The following CDH8 variants were observed in gnomAD, a reference collection of about 807,000 sequenced individuals.
The protein encoded by CDH8 is cadherin-8.
CDH8 carries 17 observed loss-of-function variants against 68.1 expected under a neutral mutation model. That is an observed-to-expected ratio of 0.25 (90% CI 0.17 to 0.37). The LOEUF (loss-of-function observed/expected upper bound fraction) is 0.37. CDH8 is among the 10% of genes least tolerant of loss of function. The pLI is 1.00. For missense variants in CDH8, 763 were observed against 999.3 expected, an observed-to-expected ratio of 0.76 and a Z score of 3.19; for synonymous variants, 372 against 365.1, an observed-to-expected ratio of 1.02 and a Z score of -0.21.
intron 10 of CDH8, chr16:61,710,915 A>T (rs2142864844): frequency 6.6e-6 from 1 of 152,092 alleles, no homozygotes; most frequent in Middle Eastern, 3.4e-3. Flanking sequence ...TGAGGCCAAT[A>T]CTGAAATGTG....
rs1312519955 is a variant in CDH8, at chr16:61,919,255, C to T, written c.253-17782G>A. 3.4e-5 allele frequency among the ~76,000 whole-genome samples: 5 copies of T among 147,916 alleles called. 1 individual carries two copies. The highest frequency in any genetic ancestry group is 2.2e-4 in the South Asian group (1 of 4,524). The stretch of plus-strand genomic sequence containing the variant: ...AAACTGGAAACTCTAAAAAGCAGAG[C>T]GCCTCTCCTCCTCCAAAGGAACGCA... On this transcript the variant is annotated intron_variant, in intron 2 of 11. Transcript: ENST00000577390.
chr16:61,828,476 T>C (rs1962390644), intron 4 of CDH8, among the ~76,000 whole-genome samples: 2 of 151,764 alleles, frequency 1.3e-5, no homozygotes, highest in African/African-American at 4.8e-5. Flanking sequence ...CTGGGACCTC[T>C]TTCTGGTAAC....
rs1170560066 is a variant in CDH8 at position 61,652,052 on chromosome 16, G to A, written c.*1556C>T. 1.1e-6 allele frequency: 1 copy of A among 877,730 alleles called. No individual in the cohort carries two copies. Among genetic ancestry groups the A allele is most frequent in the African/African-American group, 1.8e-5 (1 of 54,926 alleles). 54.4% of individuals were successfully genotyped at this position (877,730 alleles called of 1,614,324 possible). ...ATTTCACAAAGTAGGAAACAATACA[G>A]GAGTTTCTCTGAATACAATACATGG... is the stretch of plus-strand genomic sequence containing the variant. On this transcript the variant is annotated 3_prime_UTR_variant, in exon 12 of 12. Coordinates refer to ENST00000577390, the MANE Select transcript of CDH8 (RefSeq NM_001796.5).
Position 61,768,353 on chromosome 16 carries a change from T to G in CDH8, c.1414+20993A>C, listed in dbSNP as rs1266175802. On this transcript the variant is annotated intron_variant, in intron 8 of 11. Coordinates refer to ENST00000577390, the MANE Select transcript of CDH8 (RefSeq NM_001796.5). ...CTCTCTCTCTCTCTCTCTCTCTCTC[T>G]CTCTCTCTCTCTCTCCCTTTCTCTC... 1.9e-3 allele frequency among the ~76,000 whole-genome samples: 211 copies of G among 109,378 alleles called. 5 individuals carry two copies. Among genetic ancestry groups the G allele is most frequent in the African/African-American group, 7.6e-3 (198 of 25,918 alleles). The allele number at this position is 109,378 out of a possible 152,430, so 71.8% of individuals were successfully genotyped here. A position where few individuals can be genotyped will look rare whatever the true frequency, so the allele number is the denominator to read the frequency against.
In CDH8 at chr16:61,751,080, A is replaced by T. The variant is rs147029844; in HGVS notation, c.1415-23865T>A. The stretch of plus-strand genomic sequence containing the variant: ...AGAAAAAAGAAGCTAATAATGATAG[A>T]TGCTCAGTTGTATATTAGTGTCCAA... On this transcript the variant is annotated intron_variant, in intron 8 of 11. Transcript: ENST00000577390. Among the ~76,000 whole-genome samples, 31 of 152,256 alleles carry T rather than the reference A, an allele frequency of 2.0e-4. No individual in the cohort carries two copies. The East Asian group carries it at 5.6e-3, about 28-fold the overall frequency.
chr16:61,854,646 G>A (rs1014556110), intron 4 of CDH8, among the ~76,000 whole-genome samples: 1 of 152,038 alleles, frequency 6.6e-6, no homozygotes, highest in African/African-American at 2.4e-5. Flanking sequence ...CCCCACAAAG[G>A]GGGTATTTGC....
intron 2 of CDH8, among the ~76,000 whole-genome samples, chr16:61,983,219 T>C (rs1178438287): frequency 6.6e-6 from 1 of 152,214 alleles, no homozygotes; most frequent in African/African-American, 2.4e-5. Flanking sequence ...ATGTGTACTT[T>C]TGTGACTTGC....
At chr16:62,031,677 A>ACAC (rs1902329670) in intron 1 of CDH8, among the ~76,000 whole-genome samples, 2 of 149,924 alleles carry the variant, frequency 1.3e-5, no homozygotes, top group East Asian at 2.0e-4. Flanking sequence ...CACACCCACA[A>ACAC]ACACACACAC....
intron 3 of CDH8, among the ~76,000 whole-genome samples, chr16:61,876,607 T>C (rs975916941): frequency 6.6e-6 from 1 of 152,100 alleles, no homozygotes; most frequent in Non-Finnish European, 1.5e-5. Flanking sequence ...GTTTGGCTCA[T>C]TTCTCTTCCC....
intron 10 of CDH8, among the ~76,000 whole-genome samples, chr16:61,695,873 G>A (rs16963854): frequency 0.01 from 1,557 of 151,996 alleles, 29 homozygotes; most frequent in African/African-American, 0.036. Context: ...AAGTGTTTGC[G>A]GATGTTTCAA....
At position 61,654,027 on chromosome 16, in the gene CDH8, G is replaced by C; in HGVS notation, c.1981C>G (p.Arg661Gly). Residue 661 changes from arginine to glycine, a missense_variant, in exon 12 of 12, where the codon CGA becomes GGA. Around this residue, in one of 2 missense-constraint regions of CDH8, gnomAD observed 397 missense variants for 436.2 expected, o/e 0.91. Transcript: ENST00000577390. Reference sequence around the variant, plus strand: ...TCATCGTAGCGAATGATGTTTTCTCGAACGTCTTCATCATCTTTGATAATT... The same window carrying C: ...TCATCGTAGCGAATGATGTTTTCTCCAACGTCTTCATCATCTTTGATAATT... ...PLIIKDDEDVRENIIRYDDEG... is the reference protein window; with the variant it reads ...PLIIKDDEDVGENIIRYDDEG... 2 of 1,613,922 alleles carry C rather than the reference G, an allele frequency of 1.2e-6. No individual in the cohort carries two copies. The highest frequency in any genetic ancestry group is 1.1e-5 in the South Asian group (1 of 91,076).
intron 2 of CDH8, among the ~76,000 whole-genome samples, chr16:61,906,763 G>A (rs1184594891): frequency 6.6e-6 from 1 of 152,150 alleles, no homozygotes; most frequent in Non-Finnish European, 1.5e-5. Flanking sequence ...AACAATGATT[G>A]TAAAAAGAAG....
At chr16:61,926,106 C>T (rs1357467769) in intron 2 of CDH8, among the ~76,000 whole-genome samples, 1 of 150,758 alleles carries the variant, frequency 6.6e-6, no homozygotes, top group Non-Finnish European at 1.5e-5. Flanking sequence ...GCCACACAAA[C>T]TAATAAGAAG....
intron 2 of CDH8, among the ~76,000 whole-genome samples, chr16:61,912,007 T>C (rs1233644801): frequency 6.6e-6 from 1 of 152,062 alleles, no homozygotes; most frequent in Non-Finnish European, 1.5e-5. Flanking sequence ...AGAGTACTAA[T>C]AGGAGCTGAA....
At chr16:61,791,926 A>G (rs551750798) in intron 7 of CDH8, among the ~76,000 whole-genome samples, 1 of 152,138 alleles carries the variant, frequency 6.6e-6, no homozygotes, top group Non-Finnish European at 1.5e-5. Context: ...AATAGGAATT[A>G]TTTATATCCC....
At chr16:61,968,824 A>G (rs1353938051) in intron 2 of CDH8, among the ~76,000 whole-genome samples, 1 of 152,212 alleles carries the variant, frequency 6.6e-6, no homozygotes, top group East Asian at 1.9e-4. Context: ...AGCTATCATT[A>G]GTTCATTTCC....
chr16:61,803,804 C>T (rs1961723313), intron 7 of CDH8, among the ~76,000 whole-genome samples: 2 of 134,758 alleles, frequency 1.5e-5, no homozygotes, highest in Non-Finnish European at 3.1e-5. Flanking sequence ...ACAGGAGCAC[C>T]AAGATTTATA....
chr16:61,917,129 G>A (rs568721179), intron 2 of CDH8, among the ~76,000 whole-genome samples: 57 of 151,000 alleles, frequency 3.8e-4, no homozygotes, highest in African/African-American at 1.2e-3. Context: ...CTTGCAAGTT[G>A]GGAGTAGGAG....
At chr16:61,774,499 A>G (rs1960858489) in intron 8 of CDH8, among the ~76,000 whole-genome samples, 1 of 151,514 alleles carries the variant, frequency 6.6e-6, no homozygotes, top group African/African-American at 2.4e-5. Context: ...CCAGAAAGCC[A>G]TAATGGATGT....
Sources: allele counts gnomAD v4.1 joint callset (sites outside exome capture counted in the v4.1 genomes callset), GRCh38; gene constraint gnomAD v4.1.1; regional missense constraint gnomAD v4.1.1; transcripts MANE v1.5; gene names NCBI Gene and HGNC (gene_info 2026-07-23, HGNC 2026-07-21).